ZNF282: variants seen among roughly 807,000 people sequenced by gnomAD.
ZNF282 encodes the protein HTLV-I U5 repressive element-binding protein 1.
Under a neutral mutation model 61.9 loss-of-function variants are expected in ZNF282, and 30 were observed. The observed-to-expected ratio is 0.48, with a 90% CI of 0.36 to 0.66. ZNF282 has a LOEUF of 0.66. ZNF282 is among the 30% of genes least tolerant of loss of function. The pLI, the probability that ZNF282 is intolerant of heterozygous loss-of-function variation, is 0.00. For missense variants in ZNF282, 788 were observed against 941.4 expected (o/e 0.84, Z 2.13); for synonymous variants, 396 against 405.0 (o/e 0.98, Z 0.27).
At position 149,225,342 on chromosome 7, in the gene ZNF282, C is replaced by G. The variant is rs562877216; in HGVS notation, c.*695C>G. 6.6e-6 allele frequency: 1 copy of G among 152,622 alleles called. No homozygotes were observed. Among genetic ancestry groups the G allele is most frequent in the Non-Finnish European group, 1.5e-5 (1 of 68,228 alleles). The allele number at this position is 152,622 out of a possible 1,614,324, so 9.5% of individuals were successfully genotyped here. ...CTCTCTTCCTTTCCTGGTCTCTCTTCCTTTCCTTGCTCTCACCCACGGATA... is the reference window on the plus strand; with the variant it reads ...CTCTCTTCCTTTCCTGGTCTCTCTTGCTTTCCTTGCTCTCACCCACGGATA... On this transcript the variant is annotated 3_prime_UTR_variant, in exon 8 of 8. Transcript: ENST00000610704.
rs1156406906 is a variant in ZNF282 at position 149,195,709 on chromosome 7, G to T, written c.120G>T (p.Glu40Asp). 1 of 1,553,754 alleles carries T rather than the reference G, an allele frequency of 6.4e-7. No homozygotes were observed. Among genetic ancestry groups the T allele is most frequent in the South Asian group, 1.2e-5 (1 of 85,064 alleles). Residue 40 changes from glutamate (E) to aspartate (D), a missense_variant, in exon 1 of 8, where the codon GAG (glutamate) becomes GAT (aspartate). Coordinates refer to ENST00000610704, the MANE Select transcript of ZNF282 (RefSeq NM_003575.4). ...ALPPEEVCHQ[E>D]PALRGEMAEG... Reference sequence around the variant, plus strand: ...CCCCGGAGGAGGTCTGCCACCAGGAGCCGGCGCTGCGCGGGGAAATGGCCG... The same window carrying T: ...CCCCGGAGGAGGTCTGCCACCAGGATCCGGCGCTGCGCGGGGAAATGGCCG...
In ZNF282 at chr7:149,225,057, AG is replaced by A; in HGVS notation, c.*413del. The A allele has an allele frequency of 4.5e-6, 1 of 221,146 alleles. No individual in the cohort carries two copies. The highest frequency in any genetic ancestry group is 9.0e-6 in the Non-Finnish European group (1 of 111,254). The allele number at this position is 221,146 out of a possible 1,614,324, so 13.7% of individuals were successfully genotyped here. A position where few individuals can be genotyped will look rare whatever the true frequency, so the allele number is the denominator to read the frequency against. On this transcript the variant is annotated 3_prime_UTR_variant, in exon 8 of 8. Coordinates refer to ENST00000610704, the MANE Select transcript of ZNF282 (RefSeq NM_003575.4). ...AAAGCGAAGGCCGAGGGATGTGCTA[AG>A]GGTAACACCTTCATGATGACAACAC...
At chr7:149,221,336 C>T (rs1276203806) in intron 7 of ZNF282, among the ~76,000 whole-genome samples, 1 of 152,198 alleles carries the variant, frequency 6.6e-6, no homozygotes, top group Non-Finnish European at 1.5e-5. Flanking sequence ...GCTGCCGGGC[C>T]TGGAGAGCCA....
rs1585564951 is a variant in ZNF282 at position 149,206,909 on chromosome 7, A to G, written c.712+87A>G. 6 of 1,529,118 alleles carry G rather than the reference A, an allele frequency of 3.9e-6. No individual in the cohort carries two copies. In the East Asian group the frequency reaches 9.1e-5, roughly 23 times the overall value. 94.7% of individuals were successfully genotyped at this position (1,529,118 alleles called of 1,614,324 possible). A position where few individuals can be genotyped will look rare whatever the true frequency, so the allele number is the denominator to read the frequency against. Reference sequence around the variant, plus strand: ...TTGTCCACGTTAGCACCGCCTAGGCAGGTTGTTTCATATTTTTATGTAATG... The same window carrying G: ...TTGTCCACGTTAGCACCGCCTAGGCGGGTTGTTTCATATTTTTATGTAATG... On this transcript the variant is annotated intron_variant, in intron 3 of 7. Transcript: ENST00000610704.
rs1360417469 is a variant in ZNF282 at position 149,206,752 on chromosome 7, C to G, written c.642C>G (p.Asn214Lys). The stretch of plus-strand genomic sequence containing the variant: ...ACTTCTCCGAAGACGAGTGGAAGAA[C>G]TTGGACGAATGGCAGAAGGAGCTTT... Reference protein sequence around the residue: ...AVYFSEDEWKNLDEWQKELYN... With the variant: ...AVYFSEDEWKKLDEWQKELYN... Residue 214 changes from asparagine (N) to lysine (K), a missense_variant, in exon 3 of 8, where the codon AAC becomes AAG. Physicochemically the swap from Asn to Lys is moderately conservative, Grantham distance 94 (BLOSUM62 0). Around this residue, in one of 3 missense-constraint regions of ZNF282, gnomAD observed 92 missense variants for 163.9 expected, o/e 0.56. Transcript: ENST00000610704. The G allele has an allele frequency of 7.4e-6, 12 of 1,614,188 alleles. No individual in the cohort carries two copies. The highest frequency in any genetic ancestry group is 1.0e-5 in the Non-Finnish European group (12 of 1,180,040).
chr7:149,202,725 A>G (rs766443927), intron 2 of ZNF282, among the ~76,000 whole-genome samples: 45 of 152,332 alleles, frequency 3.0e-4, no homozygotes, highest in Middle Eastern at 6.8e-3. Context: ...TGCTGGGATT[A>G]CAGGCGTGAA....
At position 149,213,802 on chromosome 7, in the gene ZNF282, G is replaced by A; in HGVS notation, c.1168G>A (p.Asp390Asn). Residue 390 changes from aspartate (D) to asparagine (N), a missense_variant, in exon 7 of 8, where the codon GAC (aspartate) becomes AAC (asparagine). Asp to Asn is a conservative substitution (Grantham distance 23). This residue lies in a region of ZNF282 where 559 missense variants were observed against 642.0 expected (regional missense o/e 0.87). Transcript: ENST00000610704. Reference protein sequence around the residue: ...RDSMDGELGLDSGPSDSLLMV... With the variant: ...RDSMDGELGLNSGPSDSLLMV... ...CTCAATGGACGGAGAGCTTGGATTA[G>A]ACTCTGGCCCTAGTGAGTAACGTCC... 1.2e-6 allele frequency: 2 copies of A among 1,613,608 alleles called. No homozygotes were observed. Among genetic ancestry groups the A allele is most frequent in the East Asian group, 2.2e-5 (1 of 44,850 alleles).
chr7:149,206,856 T>C lies in ZNF282; in HGVS notation c.712+34T>C, dbSNP rs755551816. On this transcript the variant is annotated intron_variant, in intron 3 of 7. Transcript: ENST00000610704. ...ACCTTCTCTCCTCTTTGGTGAGCCATCTCTGCAGAGGGTTGTGAAATGCTT... is the reference window on the plus strand; with the variant it reads ...ACCTTCTCTCCTCTTTGGTGAGCCACCTCTGCAGAGGGTTGTGAAATGCTT... 13 of 1,612,622 alleles carry C rather than the reference T, an allele frequency of 8.1e-6. No homozygotes were observed. The African/African-American group carries it at 1.6e-4, about 20-fold the overall frequency.
intron 4 of ZNF282, 109 bp downstream of exon 4, chr7:149,207,579 G>A (rs1392210179): frequency 6.8e-7 from 1 of 1,465,740 alleles, no homozygotes. Flanking sequence ...CATGGGGCGA[G>A]GGTCTTGGGT....
intron 7 of ZNF282, among the ~76,000 whole-genome samples, chr7:149,222,281 C>T (rs1318076884): frequency 6.6e-6 from 1 of 152,212 alleles, no homozygotes; most frequent in Non-Finnish European, 1.5e-5. Context: ...TGCCAAGGTC[C>T]AGGTGGGTCA....
intron 2 of ZNF282, among the ~76,000 whole-genome samples, chr7:149,206,475 C>G (rs1421096856): frequency 1.3e-5 from 2 of 152,158 alleles, no homozygotes; most frequent in African/African-American, 4.8e-5. Context: ...TGGCTAAATG[C>G]TTTTTCTAAA....
At chr7:149,221,696 C>A (rs1563181334) in intron 7 of ZNF282, among the ~76,000 whole-genome samples, 1 of 152,098 alleles carries the variant, frequency 6.6e-6, no homozygotes, top group Non-Finnish European at 1.5e-5. Flanking sequence ...GGCCTCTGCA[C>A]CTGGCCAGTG....
intron 4 of ZNF282, among the ~76,000 whole-genome samples, chr7:149,208,945 C>T (rs571925075): frequency 4.3e-5 from 6 of 138,546 alleles, no homozygotes; most frequent in African/African-American, 5.3e-5. Context: ...CGCTGGAACC[C>T]GGGAGGTGGA....
intron 2 of ZNF282, among the ~76,000 whole-genome samples, chr7:149,201,796 T>G (rs1795914723): frequency 6.6e-6 from 1 of 152,034 alleles, no homozygotes. Flanking sequence ...CCCATCTGAT[T>G]AGAATAAAAG....
chr7:149,212,368 T>A lies in ZNF282; in HGVS notation c.963T>A (p.Ile321=). 1 of 1,609,702 alleles carries A rather than the reference T, an allele frequency of 6.2e-7. No homozygotes were observed. The highest frequency in any genetic ancestry group is 8.5e-7 in the Non-Finnish European group (1 of 1,178,472). ...IPTESITDSP[I]SAQDLLSRIK... The stretch of plus-strand genomic sequence containing the variant: ...TGTTCCCGCAAGTAGACTCCCCAAT[T>A]TCTGCCCAGGACCTCTTGTCCCGGA... Residue 321 remains isoleucine (I), a synonymous_variant, in exon 6 of 8, where the codon ATT becomes ATA. Coordinates refer to ENST00000610704, the MANE Select transcript of ZNF282 (RefSeq NM_003575.4).
intron 7 of ZNF282, among the ~76,000 whole-genome samples, chr7:149,217,590 G>T (rs531879655): frequency 6.6e-6 from 1 of 151,342 alleles, no homozygotes; most frequent in Non-Finnish European, 1.5e-5. Context: ...AGTGAAGAAA[G>T]ACCTTTTCTT....
At chr7:149,220,403 C>T (rs1293412193) in intron 7 of ZNF282, among the ~76,000 whole-genome samples, 1 of 152,022 alleles carries the variant, frequency 6.6e-6, no homozygotes, top group Non-Finnish European at 1.5e-5. Flanking sequence ...CTGAGCCAGA[C>T]TCCGTCTCCA....
intron 7 of ZNF282, among the ~76,000 whole-genome samples, chr7:149,221,522 T>G (rs978281308): frequency 6.6e-6 from 1 of 152,182 alleles, no homozygotes; most frequent in Non-Finnish European, 1.5e-5. Flanking sequence ...GCAAGTCCTC[T>G]GGGAATAACA....
chr7:149,211,429 G>A (rs956289236), intron 5 of ZNF282, among the ~76,000 whole-genome samples: 1 of 152,132 alleles, frequency 6.6e-6, no homozygotes, highest in Admixed American at 6.6e-5. Flanking sequence ...CCTTGGGGGA[G>A]GCCAGTCTTT....
Sources: gnomAD v4.1 joint callset for allele counts (sites outside exome capture counted in the v4.1 genomes callset) on GRCh38, gnomAD v4.1.1 for gene constraint, gnomAD v4.1.1 regional missense constraint, MANE v1.5 for transcripts, NCBI Gene and HGNC (gene_info 2026-07-23, HGNC 2026-07-21) for gene names.